Variants in WDR86 observed in about 807,000 individuals in gnomAD.
The protein encoded by WDR86 is WD repeat domain 86.
A neutral mutation model predicts 36.5 loss-of-function variants in WDR86; 30 were observed. The observed-to-expected ratio is 0.82, with a 90% CI of 0.61 to 1.11. WDR86 has a LOEUF of 1.11. Ranked by LOEUF, WDR86 falls within the 50% of genes most tolerant of loss-of-function variation. The probability of loss-of-function intolerance (pLI) is 0.00; values close to 1 mark genes in which losing one functional copy is unlikely to be tolerated. For missense variants in WDR86, 545 were observed against 561.2 expected (o/e 0.97, Z 0.29); for synonymous variants, 255 against 252.9 (o/e 1.01, Z -0.08).
intron 3 of WDR86, among the ~76,000 whole-genome samples, chr7:151,393,278 G>A (rs1030376289): frequency 6.6e-6 from 1 of 152,196 alleles, no homozygotes; most frequent in Non-Finnish European, 1.5e-5. Context: ...CATGTGGAGT[G>A]TGTGCGCCTA....
intron 3 of WDR86, among the ~76,000 whole-genome samples, chr7:151,393,276 G>A (rs969436412): frequency 6.6e-6 from 1 of 152,208 alleles, no homozygotes; most frequent in African/African-American, 2.4e-5. Flanking sequence ...TGCATGTGGA[G>A]TGTGTGCGCC....
rs1040949367 is a variant in WDR86 at position 151,401,726 on chromosome 7, T to A, written c.164-1485A>T. ...GAGGTAAAGACTTTGACTGGGGAGA[T>A]TATCCTAGATTATCCGGGGGGTCCT... is the stretch of plus-strand genomic sequence containing the variant. On this transcript the variant is annotated intron_variant, in intron 1 of 5. Transcript: ENST00000334493. The surrounding 1 kb of genome is among the most constrained non-coding windows in gnomAD (Gnocchi z 4.3). 6.6e-6 allele frequency among the ~76,000 whole-genome samples: 1 copy of A among 151,742 alleles called. No homozygotes were observed. The highest frequency in any genetic ancestry group is 1.5e-5 in the Non-Finnish European group (1 of 67,910).
At chr7:151,377,030 G>T, downstream of WDR86, 2 of 1,526,104 alleles carry the variant, frequency 1.3e-6, no homozygotes, top group Non-Finnish European at 1.8e-6. Flanking sequence ...ACTTACTCCT[G>T]CGGTATTTTA....
rs559955089 is a variant in WDR86 at position 151,389,504 on chromosome 7, C to A, written c.727-4281G>T. 1.6e-3 allele frequency among the ~76,000 whole-genome samples: 248 copies of A among 152,326 alleles called. 1 individual carries two copies. Among genetic ancestry groups the A allele is most frequent in the African/African-American group, 5.3e-3 (219 of 41,578 alleles). On this transcript the variant is annotated intron_variant, in intron 3 of 5. Transcript: ENST00000334493. Reference sequence around the variant, plus strand: ...GGCCCACCAGGAAACCTCAGCCACTCTCTCCCTTGGCTCTTGACTTGCAAG... The same window carrying A: ...GGCCCACCAGGAAACCTCAGCCACTATCTCCCTTGGCTCTTGACTTGCAAG...
chr7:151,389,005 G>A (rs1217224572), intron 3 of WDR86, among the ~76,000 whole-genome samples: 3 of 152,146 alleles, frequency 2.0e-5, no homozygotes, highest in Non-Finnish European at 2.9e-5. Context: ...GACACAGAAC[G>A]TGCTGGCGCC....
Position 151,396,052 on chromosome 7 carries a change from G to A in WDR86, c.450C>T (p.Asp150=), listed in dbSNP as rs1799802882. The change falls in exon 3 of 6, where the codon GAC becomes GAT. Residue 150 remains aspartate (D), a synonymous_variant. Transcript: ENST00000334493. The stretch of plus-strand genomic sequence containing the variant: ...CCTCCGCGCAGGGAGTGCTGGGGAG[G>A]TCCCACGGGGCAGAGTAGGCTAGGG... The part of the protein sequence containing the change: ...VLTLAYSAPW[D]LPSTPCAEEA... The A allele has an allele frequency of 6.2e-7, 1 of 1,611,824 alleles. No homozygotes were observed. The highest frequency in any genetic ancestry group is 1.7e-5 in the Admixed American group (1 of 59,916).
chr7:151,393,507 C>G (rs1239555585), intron 3 of WDR86, among the ~76,000 whole-genome samples: 1 of 152,154 alleles, frequency 6.6e-6, no homozygotes, highest in African/African-American at 2.4e-5. Context: ...CTTTTCTCCC[C>G]CCTCCGTCCA....
rs183919775 is a variant in WDR86 at position 151,405,703 on chromosome 7, C to T, written c.163+3724G>A. On this transcript the variant is annotated intron_variant, in intron 1 of 5. Transcript: ENST00000334493. The surrounding 1 kb of genome is among the most constrained non-coding windows in gnomAD (Gnocchi z 4.7). Reference sequence around the variant, plus strand: ...CCCAAGCTGTGTGAGGCTGCTGTGGCTCTTGTCACCAGCGTGCCGCAGGCC... The same window carrying T: ...CCCAAGCTGTGTGAGGCTGCTGTGGTTCTTGTCACCAGCGTGCCGCAGGCC... Among the ~76,000 whole-genome samples, 18 of 152,342 alleles carry T rather than the reference C, an allele frequency of 1.2e-4. No homozygotes were observed. The highest frequency in any genetic ancestry group is 9.8e-4 in the Admixed American group (15 of 15,302).
chr7:151,385,295 G>A (rs73474439), intron 3 of WDR86, 72 bp from the exon 4 acceptor site: 1 of 1,590,666 alleles, frequency 6.3e-7, no homozygotes, highest in Non-Finnish European at 8.5e-7. Flanking sequence ...CCTCTATAAG[G>A]GGGGAAGGGG....
At chr7:151,377,270 C>A, downstream of WDR86, 1 of 1,308,948 alleles carries the variant, frequency 7.6e-7, no homozygotes. Context: ...TAAATGCTAT[C>A]ATTATGAAAA....
intron 4 of WDR86, among the ~76,000 whole-genome samples, chr7:151,384,373 G>C (rs887706649): frequency 6.6e-6 from 1 of 152,202 alleles, no homozygotes; most frequent in Non-Finnish European, 1.5e-5. Flanking sequence ...TCACAGAGAG[G>C]TATGTAGAAG....
chr7:151,387,500 G>C (rs1799076303), intron 3 of WDR86, among the ~76,000 whole-genome samples: 1 of 152,148 alleles, frequency 6.6e-6, no homozygotes, highest in South Asian at 2.1e-4. Context: ...GGAGAGCGGG[G>C]TGGCCCAGGG....
At position 151,385,156 on chromosome 7, in the gene WDR86, CCT is replaced by C. The variant is rs777554046; in HGVS notation, c.792_793del (p.Glu266ValfsTer196). On this transcript the variant is annotated frameshift_variant, in exon 4 of 6. Coordinates refer to ENST00000334493, the MANE Select transcript of WDR86 (RefSeq NM_198285.3). LOFTEE classifies it high-confidence loss of function. ...GGCCGTGAACGTGCGCACACACTCCCCTGTGTCTGCCAGCCAGCACTTGACGG... is the reference window on the plus strand; with the variant it reads ...GGCCGTGAACGTGCGCACACACTCCCGTGTCTGCCAGCCAGCACTTGACGG... The C allele has an allele frequency of 1.1e-5, 17 of 1,613,054 alleles. No homozygotes were observed. The highest frequency in any genetic ancestry group is 1.7e-5 in the Admixed American group (1 of 60,010).
chr7:151,394,000 T>C (rs35835686), intron 3 of WDR86, among the ~76,000 whole-genome samples: 10,031 of 152,172 alleles, frequency 0.066, 1,173 homozygotes, highest in African/African-American at 0.23. Flanking sequence ...CCTTCCCTTC[T>C]TTCCTGAAAG....
Position 151,395,917 on chromosome 7 carries a change from T to C in WDR86, c.585A>G (p.Ala195=), listed in dbSNP as rs1563056869. 6.3e-6 allele frequency: 10 copies of C among 1,599,878 alleles called. No individual in the cohort carries two copies. Among genetic ancestry groups the C allele is most frequent in the African/African-American group, 2.7e-5 (2 of 74,716 alleles). Residue 195 remains alanine, a synonymous_variant, in exon 3 of 6, where the codon GCA becomes GCG. Transcript: ENST00000334493. The stretch of plus-strand genomic sequence containing the variant: ...GCGTGTCTAGCACTAGGCACAGCAC[T>C]GCACCCGTGTGGCCCCGCAGCGTCT... The part of the protein sequence containing the change: ...CHQTLRGHTG[A]VLCLVLDTPG...
At chr7:151,386,471 C>T (rs917777327) in intron 3 of WDR86, among the ~76,000 whole-genome samples, 24 of 152,130 alleles carry the variant, frequency 1.6e-4, no homozygotes, top group Non-Finnish European at 2.8e-4. Context: ...CAGGCCCTGC[C>T]CTGAAGTCCT....
chr7:151,379,835 A>G (rs1798469317), downstream of WDR86, among the ~76,000 whole-genome samples: 1 of 152,160 alleles, frequency 6.6e-6, no homozygotes, highest in South Asian at 2.1e-4. Context: ...GCCAGAGCGC[A>G]GCATCACCAA....
At chr7:151,376,550 AGTCGGCT>A, downstream of WDR86, 3 of 1,305,522 alleles carry the variant, frequency 2.3e-6, no homozygotes, top group Non-Finnish European at 3.1e-6. Context: ...TAAACATGAG[AGTCGGCT>A]GTCCACTCGT....
chr7:151,379,377 C>G (rs1303139299), downstream of WDR86, among the ~76,000 whole-genome samples: 1 of 152,108 alleles, frequency 6.6e-6, no homozygotes. Context: ...ACGGCCTTAC[C>G]CTGTCCTTGT....
Sources: gnomAD v4.1 joint callset for allele counts (sites outside exome capture counted in the v4.1 genomes callset) on GRCh38, gnomAD v4.1.1 for gene constraint, Gnocchi (gnomAD v3.1) non-coding constraint, MANE v1.5 for transcripts, NCBI Gene and HGNC (gene_info 2026-07-23, HGNC 2026-07-21) for gene names.